The following DNM3 variants were observed in gnomAD, a reference collection of about 807,000 sequenced individuals.
The protein encoded by DNM3 is dynamin-3.
In DNM3, 47 loss-of-function variants were observed where a neutral mutation model predicts 101.6. The observed-to-expected ratio is 0.46, with a 90% CI of 0.37 to 0.59. The LOEUF is 0.59. Among genes scored for constraint, DNM3 ranks in the 20% least tolerant of loss-of-function variants. DNM3 has a pLI of 0.00. For missense variants in DNM3, 849 were observed against 1,085.7 expected, an observed-to-expected ratio of 0.78 and a Z score of 3.06; for synonymous variants, 385 against 387.9, an observed-to-expected ratio of 0.99 and a Z score of 0.09.
intron 14 of DNM3, among the ~76,000 whole-genome samples, chr1:172,140,804 C>G (rs1221653678): frequency 6.6e-6 from 1 of 151,908 alleles, no homozygotes; most frequent in African/African-American, 2.4e-5. Context: ...AACACACTTA[C>G]AGTAACTATG....
chr1:171,863,692 G>C (rs2034420362), intron 1 of DNM3, among the ~76,000 whole-genome samples: 1 of 152,098 alleles, frequency 6.6e-6, no homozygotes, highest in Admixed American at 6.6e-5. Context: ...GTGCAGTCCT[G>C]CTGAACGACT....
At chr1:172,334,651 G>A (rs1287214113) in intron 17 of DNM3, among the ~76,000 whole-genome samples, 1 of 152,196 alleles carries the variant, frequency 6.6e-6, no homozygotes, top group Non-Finnish European at 1.5e-5. Flanking sequence ...CTGGCTACAT[G>A]CAGTCCACAC....
intron 9 of DNM3, among the ~76,000 whole-genome samples, chr1:172,045,318 G>A (rs10797734): frequency 0.37 from 56,871 of 151,982 alleles, 11,154 homozygotes; most frequent in East Asian, 0.64. Flanking sequence ...TATTTCTCAC[G>A]GTTCTGGAGT....
chr1:172,133,075 T>C, intron 14 of DNM3: 1 of 1,447,508 alleles, frequency 6.9e-7, no homozygotes. Flanking sequence ...CTTATGAAGA[T>C]GAATTCCAGG....
chr1:171,903,866 A>G (rs1169403083), intron 1 of DNM3, among the ~76,000 whole-genome samples: 2 of 152,232 alleles, frequency 1.3e-5, no homozygotes, highest in Non-Finnish European at 2.9e-5. Context: ...AAAATGTTCT[A>G]TTATAGCCAA....
intron 14 of DNM3, among the ~76,000 whole-genome samples, chr1:172,157,946 T>C (rs1270376398): frequency 6.6e-6 from 1 of 152,018 alleles, no homozygotes; most frequent in Non-Finnish European, 1.5e-5. Flanking sequence ...GTACTTACTA[T>C]GTGCCATACA....
rs1468019904 is a variant in DNM3 at position 172,206,189 on chromosome 1, G to C, written c.1660-47384G>C. Among the ~76,000 whole-genome samples, 3 of 152,062 alleles carry C rather than the reference G, an allele frequency of 2.0e-5. No homozygotes were observed. The East Asian group carries it at 5.8e-4, about 29-fold the overall frequency. Reference sequence around the variant, plus strand: ...ACTTACAGGCTGTAATTTTAGGATTGGAATCCAATACTATCAGCTGTTTTC... The same window carrying C: ...ACTTACAGGCTGTAATTTTAGGATTCGAATCCAATACTATCAGCTGTTTTC... On this transcript the variant is annotated intron_variant, in intron 14 of 20. Transcript: ENST00000627582.
At chr1:172,052,607 T>G (rs1306260890) in intron 10 of DNM3, among the ~76,000 whole-genome samples, 1 of 152,182 alleles carries the variant, frequency 6.6e-6, no homozygotes, top group African/African-American at 2.4e-5. Context: ...TTGCCAAGCC[T>G]AAAGGACGCT....
At chr1:172,274,512 TCATG>T (rs1361813146) in intron 15 of DNM3, among the ~76,000 whole-genome samples, 1 of 152,048 alleles carries the variant, frequency 6.6e-6, no homozygotes, top group African/African-American at 2.4e-5. Context: ...GGTAAAGATA[TCATG>T]CATACCTTTC....
chr1:172,412,391 T>C lies in DNM3; in HGVS notation c.*4550T>C, dbSNP rs1004577376. On this transcript the variant is annotated 3_prime_UTR_variant, in exon 21 of 21. Transcript: ENST00000627582. ...TACTTGATTTGTGTTATATTTCCTA[T>C]GTACATGTACAGCCTTTGTTTTGCT... is the stretch of plus-strand genomic sequence containing the variant. The C allele has an allele frequency of 2.0e-6, 2 of 985,864 alleles. No homozygotes were observed. The highest frequency in any genetic ancestry group is 2.4e-6 in the Non-Finnish European group (2 of 829,936). The allele number at this position is 985,864 out of a possible 1,614,324, so 61.1% of individuals were successfully genotyped here. A position where few individuals can be genotyped will look rare whatever the true frequency, so the allele number is the denominator to read the frequency against.
intron 15 of DNM3, among the ~76,000 whole-genome samples, chr1:172,286,297 A>G (rs1410853542): frequency 2.0e-5 from 3 of 152,074 alleles, no homozygotes; most frequent in Non-Finnish European, 4.4e-5. Context: ...GGCTATTACC[A>G]TATATTCTGA....
At chr1:172,277,734 A>G (rs2063342198) in intron 15 of DNM3, among the ~76,000 whole-genome samples, 1 of 152,148 alleles carries the variant, frequency 6.6e-6, no homozygotes, top group Non-Finnish European at 1.5e-5. Flanking sequence ...CGAAAGCATT[A>G]GGATTCTTCA....
rs891690410 is a variant in DNM3, at chr1:172,411,933, A to G, written c.*4092A>G. Reference sequence around the variant, plus strand: ...TCTAAAAAGCTCAAATGAGTCTTCTAGATACTCTTACTCATCCTGTCTGGT... The same window carrying G: ...TCTAAAAAGCTCAAATGAGTCTTCTGGATACTCTTACTCATCCTGTCTGGT... On this transcript the variant is annotated 3_prime_UTR_variant, in exon 21 of 21. Coordinates refer to ENST00000627582, the MANE Select transcript of DNM3 (RefSeq NM_015569.5). 8.1e-6 allele frequency: 8 copies of G among 985,798 alleles called. No homozygotes were observed. The highest frequency in any genetic ancestry group is 9.6e-6 in the Non-Finnish European group (8 of 829,846). 61.1% of individuals were successfully genotyped at this position (985,798 alleles called of 1,614,324 possible).
chr1:172,099,192 G>A (rs1040727427), intron 13 of DNM3, among the ~76,000 whole-genome samples: 7 of 152,194 alleles, frequency 4.6e-5, no homozygotes, highest in African/African-American at 1.7e-4. Context: ...TATTAATCAG[G>A]ATAGATTAAC....
At position 172,411,024 on chromosome 1, in the gene DNM3, G is replaced by A. The variant is rs1327700387; in HGVS notation, c.*3183G>A. ...TTATGTCCATTTGAGTAGGTAGGTA[G>A]GTTTTAAAAATACTAGTTAAAATGC... On this transcript the variant is annotated 3_prime_UTR_variant, in exon 21 of 21. Coordinates refer to ENST00000627582, the MANE Select transcript of DNM3 (RefSeq NM_015569.5). The A allele has an allele frequency of 8.1e-6, 8 of 984,974 alleles. No individual in the cohort carries two copies. The highest frequency in any genetic ancestry group is 8.4e-6 in the Non-Finnish European group (7 of 829,762). 61.0% of individuals were successfully genotyped at this position (984,974 alleles called of 1,614,324 possible). A position where few individuals can be genotyped will look rare whatever the true frequency, so the allele number is the denominator to read the frequency against.
At chr1:172,390,446 A>G (rs1230998870) in intron 20 of DNM3, among the ~76,000 whole-genome samples, 4 of 152,104 alleles carry the variant, frequency 2.6e-5, no homozygotes, top group African/African-American at 9.7e-5. Flanking sequence ...TTTCAGCCTC[A>G]TCAGTACTGA....
chr1:172,079,317 CT>C (rs1237996898), intron 11 of DNM3, among the ~76,000 whole-genome samples: 1 of 152,078 alleles, frequency 6.6e-6, no homozygotes, highest in Non-Finnish European at 1.5e-5. Flanking sequence ...TTGTTCTTTC[CT>C]TTTCATTCTT....
At chr1:172,322,736 G>C (rs2065775545) in intron 16 of DNM3, among the ~76,000 whole-genome samples, 1 of 151,912 alleles carries the variant, frequency 6.6e-6, no homozygotes, top group Non-Finnish European at 1.5e-5. Context: ...CAAAATAAAG[G>C]AATGGTCCAG....
chr1:172,112,771 C>T (rs901134367), intron 13 of DNM3, among the ~76,000 whole-genome samples: 2 of 152,150 alleles, frequency 1.3e-5, no homozygotes, highest in Non-Finnish European at 2.9e-5. Flanking sequence ...AAGGTTGAGT[C>T]GCTCTATGCC....
Sources: allele counts gnomAD v4.1 joint callset (sites outside exome capture counted in the v4.1 genomes callset), GRCh38; gene constraint gnomAD v4.1.1; transcripts MANE v1.5; gene names NCBI Gene and HGNC (gene_info 2026-07-23, HGNC 2026-07-21).